SNAP91: variants seen among roughly 807,000 people sequenced by gnomAD.
SNAP91 encodes the protein synaptosome associated protein 91, also known as clathrin coat assembly protein AP180.
A neutral mutation model predicts 100.3 loss-of-function variants in SNAP91; 27 were observed. The observed-to-expected ratio is 0.27, with a 90% CI of 0.20 to 0.37. The LOEUF (loss-of-function observed/expected upper bound fraction) is 0.37, where lower values mean the gene tolerates loss of function less well. Ranked by LOEUF, SNAP91 falls within the 10% of genes least tolerant of loss-of-function variation. The pLI, the probability that SNAP91 is intolerant of heterozygous loss-of-function variation, is 1.00. For synonymous variants in SNAP91, 404 were observed against 398.6 expected, an observed-to-expected ratio of 1.01 and a Z score of -0.16; for missense variants, 986 against 1,123.7, an observed-to-expected ratio of 0.88 and a Z score of 1.75.
At chr6:83,649,570 C>T (rs1010678642) in intron 7 of SNAP91, among the ~76,000 whole-genome samples, 6 of 151,932 alleles carry the variant, frequency 3.9e-5, no homozygotes, top group Non-Finnish European at 7.4e-5. Flanking sequence ...TTAGTTCATA[C>T]CTTTTTTGTT....
intron 28 of SNAP91, among the ~76,000 whole-genome samples, chr6:83,558,514 A>G (rs575442643): frequency 6.6e-5 from 10 of 152,220 alleles, no homozygotes; most frequent in Non-Finnish European, 1.2e-4. Flanking sequence ...CTGTCTTTCA[A>G]CATCCACCAT....
intron 1 of SNAP91, 129 bp downstream of exon 1, chr6:83,708,716 C>G (rs1458643161): frequency 6.6e-6 from 1 of 152,570 alleles, no homozygotes; most frequent in African/African-American, 2.4e-5. Context: ...CAGTCCCCCG[C>G]CCGCCCTGGA....
In SNAP91 at chr6:83,692,722, C is replaced by T. The variant is rs531813883; in HGVS notation, c.130+15076G>A. Among the ~76,000 whole-genome samples, 3 of 152,228 alleles carry T rather than the reference C, an allele frequency of 2.0e-5. No individual in the cohort carries two copies. In the South Asian group the frequency reaches 6.2e-4, roughly 32 times the overall value. On this transcript the variant is annotated intron_variant, in intron 2 of 29. Coordinates refer to ENST00000369694, the MANE Select transcript of SNAP91 (RefSeq NM_001242792.2). ...ACCCCCAAGGTCCTTAATTAACAAGCATGTTAAAATAAATGCTTCAGTAGC... is the reference window on the plus strand; with the variant it reads ...ACCCCCAAGGTCCTTAATTAACAAGTATGTTAAAATAAATGCTTCAGTAGC...
intron 5 of SNAP91, among the ~76,000 whole-genome samples, chr6:83,659,767 CT>C (rs1292175912): frequency 4.7e-5 from 7 of 149,782 alleles, no homozygotes; most frequent in African/African-American, 1.2e-4. Context: ...GTTTTTTTTT[CT>C]TTTTTTTTGA....
At chr6:83,626,172 T>A (rs554638441) in intron 8 of SNAP91, among the ~76,000 whole-genome samples, 5 of 152,224 alleles carry the variant, frequency 3.3e-5, no homozygotes, top group African/African-American at 9.6e-5. Flanking sequence ...GGTTTGTAGG[T>A]ACGCTGCTTT....
At chr6:83,611,863 A>ATTTTTTTT (rs750966269) in intron 11 of SNAP91, among the ~76,000 whole-genome samples, 36 of 91,262 alleles carry the variant, frequency 3.9e-4, no homozygotes, top group African/African-American at 8.0e-4. Flanking sequence ...CGCCCGGCTA[A>ATTTTTTTT]TTTTTTTTTT....
At chr6:83,689,067 C>CT (rs1562682357) in intron 2 of SNAP91, among the ~76,000 whole-genome samples, 1 of 152,096 alleles carries the variant, frequency 6.6e-6, no homozygotes, top group African/African-American at 2.4e-5. Context: ...TGTCTATGCT[C>CT]TAAGATCTTT....
chr6:83,638,351 T>G (rs1428270054), intron 8 of SNAP91, among the ~76,000 whole-genome samples: 1 of 152,148 alleles, frequency 6.6e-6, no homozygotes, highest in Non-Finnish European at 1.5e-5. Flanking sequence ...TAGCTTTGTC[T>G]AGTTGGCTGT....
intron 11 of SNAP91, among the ~76,000 whole-genome samples, chr6:83,612,142 C>T (rs967864863): frequency 1.3e-5 from 2 of 151,972 alleles, no homozygotes; most frequent in African/African-American, 2.4e-5. Flanking sequence ...GAGATTTCTG[C>T]TATATAACAA....
intron 9 of SNAP91, among the ~76,000 whole-genome samples, chr6:83,620,940 T>G (rs2096697588): frequency 6.6e-6 from 1 of 151,806 alleles, no homozygotes; most frequent in Non-Finnish European, 1.5e-5. Context: ...CCTGAACTCA[T>G]GATTCGCCTG....
chr6:83,560,217 G>A lies in SNAP91; in HGVS notation c.2527-9C>T. On this transcript the variant is annotated splice_polypyrimidine_tract_variant and intron_variant, in intron 27 of 29. Coordinates refer to ENST00000369694, the MANE Select transcript of SNAP91 (RefSeq NM_001242792.2). ...CCTGTCCCAGCAGGAGGCTGAGGAGGAAGAATGGAGAGTGGTTCAGAGCAT... is the reference window on the plus strand; with the variant it reads ...CCTGTCCCAGCAGGAGGCTGAGGAGAAAGAATGGAGAGTGGTTCAGAGCAT... 6.2e-7 allele frequency: 1 copy of A among 1,608,540 alleles called. No homozygotes were observed. The highest frequency in any genetic ancestry group is 2.2e-5 in the East Asian group (1 of 44,822).
Position 83,560,199 on chromosome 6 carries a change from C to G in SNAP91, c.2536G>C (p.Gly846Arg). 1 of 1,613,542 alleles carries G rather than the reference C, an allele frequency of 6.2e-7. No individual in the cohort carries two copies. The highest frequency in any genetic ancestry group is 8.5e-7 in the Non-Finnish European group (1 of 1,179,628). The stretch of plus-strand genomic sequence containing the variant: ...TGAGGCATCATGGGCATGCCTGTCC[C>G]AGCAGGAGGCTGAGGAGGAAGAATG... ...PGAGFGMPPA[G>R]TGMPMMPQQP... The change falls in exon 28 of 30, where the codon GGG becomes CGG. Residue 846 changes from glycine to arginine, a missense_variant. Transcript: ENST00000369694.
chr6:83,566,494 C>T (rs529247945), intron 26 of SNAP91, among the ~76,000 whole-genome samples: 21 of 152,236 alleles, frequency 1.4e-4, no homozygotes, highest in African/African-American at 4.8e-4. Context: ...ATTAGGACTT[C>T]AGGCTATGAA....
chr6:83,629,815 C>T (rs1352458653), intron 8 of SNAP91, among the ~76,000 whole-genome samples: 1 of 152,036 alleles, frequency 6.6e-6, no homozygotes, highest in African/African-American at 2.4e-5. Flanking sequence ...AACAGCTTGA[C>T]CTCCTCTTTA....
At chr6:83,583,156 T>C (rs1830815275) in intron 22 of SNAP91, among the ~76,000 whole-genome samples, 1 of 152,100 alleles carries the variant, frequency 6.6e-6, no homozygotes, top group Non-Finnish European at 1.5e-5. Flanking sequence ...TGGGAGGACT[T>C]CCTTGCCCTC....
intron 22 of SNAP91, among the ~76,000 whole-genome samples, chr6:83,586,820 A>T (rs2092729325): frequency 6.9e-6 from 1 of 145,062 alleles, no homozygotes; most frequent in African/African-American, 2.6e-5. Flanking sequence ...CACCCCCATT[A>T]TTCCTTCCTT....
At chr6:83,598,648 A>C (rs928752334) in intron 16 of SNAP91, among the ~76,000 whole-genome samples, 2 of 152,178 alleles carry the variant, frequency 1.3e-5, no homozygotes, top group African/African-American at 4.8e-5. Context: ...TAAACAAAAC[A>C]TAACTGGTTT....
intron 22 of SNAP91, among the ~76,000 whole-genome samples, chr6:83,590,659 T>C (rs1266063817): frequency 9.2e-5 from 14 of 152,204 alleles, no homozygotes; most frequent in Admixed American, 8.5e-4. Context: ...TTACGAAATC[T>C]ATTTTCAAAC....
intron 2 of SNAP91, among the ~76,000 whole-genome samples, chr6:83,678,577 G>A (rs1405068990): frequency 6.6e-6 from 1 of 152,154 alleles, no homozygotes; most frequent in Non-Finnish European, 1.5e-5. Context: ...TGCTGCTGCA[G>A]GCATTTGGGA....
Sources: allele counts gnomAD v4.1 joint callset (sites outside exome capture counted in the v4.1 genomes callset), GRCh38; gene constraint gnomAD v4.1.1; transcripts MANE v1.5; gene names NCBI Gene and HGNC (gene_info 2026-07-23, HGNC 2026-07-21).